The following SYNE3 variants were observed in gnomAD, a reference collection of about 807,000 sequenced individuals.
SYNE3 encodes nesprin-3.
In SYNE3, 100 loss-of-function variants were observed where a neutral mutation model predicts 111.2. The observed-to-expected ratio is 0.90, with a 90% CI of 0.77 to 1.06. SYNE3 has a LOEUF of 1.06. SYNE3 is among the 50% of genes least tolerant of loss of function. The pLI is 0.00. For synonymous variants in SYNE3, 547 were observed against 533.9 expected (o/e 1.02, Z -0.34); for missense variants, 1,160 against 1,240.3 (o/e 0.94, Z 0.97).
At chr14:95,504,634 G>C (rs139754846) in intron 1 of SYNE3, among the ~76,000 whole-genome samples, 1 of 152,226 alleles carries the variant, frequency 6.6e-6, no homozygotes, top group African/African-American at 2.4e-5. Context: ...ATCATTGCTG[G>C]ACTGGGTCCC....
intron 1 of SYNE3, among the ~76,000 whole-genome samples, chr14:95,488,873 C>T (rs1294520677): frequency 1.3e-5 from 2 of 152,218 alleles, no homozygotes; most frequent in Non-Finnish European, 1.5e-5. Context: ...CATCTTAGCC[C>T]TTCTGGTAGC....
chr14:95,450,136 G>A (rs1387653899), intron 7 of SYNE3, 31 bp from the exon 8 acceptor site: 2 of 1,555,244 alleles, frequency 1.3e-6, no homozygotes, highest in South Asian at 1.2e-5. Flanking sequence ...GAAAATGAGG[G>A]AGGAGAGAGA....
chr14:95,413,154 C>G lies in SYNE3; in HGVS notation c.*4672G>C, dbSNP rs1055453418. 1 of 149,278 alleles carries G rather than the reference C, an allele frequency of 6.7e-6. No individual in the cohort carries two copies. The highest frequency in any genetic ancestry group is 1.5e-5 in the Non-Finnish European group (1 of 67,528). The allele number at this position is 149,278 out of a possible 1,614,324, so 9.2% of individuals were successfully genotyped here. A position where few individuals can be genotyped will look rare whatever the true frequency, so the allele number is the denominator to read the frequency against. Reference sequence around the variant, plus strand: ...ATTCCCATTCTCTTTTTCTCTCTCTCTATCCCTCCCTCCCTCCCTCCCTTC... The same window carrying G: ...ATTCCCATTCTCTTTTTCTCTCTCTGTATCCCTCCCTCCCTCCCTCCCTTC... On this transcript the variant is annotated 3_prime_UTR_variant, in exon 18 of 18. Transcript: ENST00000682763.
intron 6 of SYNE3, among the ~76,000 whole-genome samples, chr14:95,454,867 G>A (rs947708521): frequency 2.0e-5 from 3 of 152,162 alleles, no homozygotes; most frequent in African/African-American, 4.8e-5. Context: ...TACCTCGGGG[G>A]AGGGCTGGGG....
At chr14:95,445,441 A>G (rs1886656355) in intron 9 of SYNE3, among the ~76,000 whole-genome samples, 2 of 152,256 alleles carry the variant, frequency 1.3e-5, no homozygotes, top group African/African-American at 4.8e-5. Context: ...TGTCATCATC[A>G]TTAGATGCTC....
chr14:95,438,722 C>T (rs946798444), intron 14 of SYNE3: 3 of 267,162 alleles, frequency 1.1e-5, no homozygotes, highest in Non-Finnish European at 2.2e-5. Context: ...AGCTTTCAGC[C>T]CCGACACTCT....
chr14:95,456,030 T>G lies in SYNE3; in HGVS notation c.790-306A>C, dbSNP rs1410127032. ...ATTTGTTTATCTTCCTTTCCATGCC[T>G]TCAGCTGGAAACAGTGTGGAGCCAA... On this transcript the variant is annotated intron_variant, in intron 5 of 17. Coordinates refer to ENST00000682763, the MANE Select transcript of SYNE3 (RefSeq NM_152592.6). The G allele has an allele frequency of 1.4e-5, 6 of 430,242 alleles. No homozygotes were observed. In the East Asian group the frequency reaches 2.0e-4, roughly 14 times the overall value. 26.7% of individuals were successfully genotyped at this position (430,242 alleles called of 1,614,324 possible).
At chr14:95,453,297 T>G (rs1227916500) in intron 6 of SYNE3, among the ~76,000 whole-genome samples, 1 of 152,198 alleles carries the variant, frequency 6.6e-6, no homozygotes, top group African/African-American at 2.4e-5. Flanking sequence ...GCCTTGTGCT[T>G]CTGTCCTTCT....
Position 95,412,918 on chromosome 14 carries a change from T to A in SYNE3, c.*4908A>T. Reference sequence around the variant, plus strand: ...AAGAAGACAGAGCCACCTTTACCTATCCCTCATTTCCTAAAGGCCATTGAG... The same window carrying A: ...AAGAAGACAGAGCCACCTTTACCTAACCCTCATTTCCTAAAGGCCATTGAG... On this transcript the variant is annotated 3_prime_UTR_variant, in exon 18 of 18. Coordinates refer to ENST00000682763, the MANE Select transcript of SYNE3 (RefSeq NM_152592.6). The A allele has an allele frequency of 6.6e-6, 1 of 152,122 alleles. No homozygotes were observed. 9.4% of individuals were successfully genotyped at this position (152,122 alleles called of 1,614,324 possible).
chr14:95,468,032 G>A, intron 2 of SYNE3, 65 bp from the exon 3 acceptor site: 23 of 1,534,502 alleles, frequency 1.5e-5, no homozygotes, highest in Non-Finnish European at 2.0e-5. Flanking sequence ...ACCTTGGGAA[G>A]ATAGTGGCAT....
At chr14:95,438,901 G>C (rs747944850) in intron 14 of SYNE3, 132 bp downstream of exon 14, 17 of 1,273,432 alleles carry the variant, frequency 1.3e-5, no homozygotes, top group Non-Finnish European at 1.9e-5. Context: ...GCTCAAATGA[G>C]ACAGGACGTG....
At chr14:95,467,248 G>A (rs957282858) in intron 3 of SYNE3, among the ~76,000 whole-genome samples, 6 of 152,000 alleles carry the variant, frequency 3.9e-5, no homozygotes, top group African/African-American at 9.7e-5. Flanking sequence ...AGTGTGCCTC[G>A]CTCTTGATAT....
At position 95,439,799 on chromosome 14, in the gene SYNE3, GAC is replaced by G. The variant is rs1886305863; in HGVS notation, c.2074-17_2074-16del. ...GCCACCAGCCTCTAAAGGACACACG[GAC>G]ACACAGACACACACACGGTGAGGGT... On this transcript the variant is annotated splice_polypyrimidine_tract_variant and intron_variant, in intron 12 of 17. Transcript: ENST00000682763. 1.2e-6 allele frequency: 2 copies of G among 1,604,058 alleles called. No individual in the cohort carries two copies. Among genetic ancestry groups the G allele is most frequent in the African/African-American group, 2.7e-5 (2 of 74,900 alleles).
At chr14:95,450,211 C>T (rs1220328849) in intron 7 of SYNE3, 106 bp from the exon 8 acceptor site, 14 of 1,332,986 alleles carry the variant, frequency 1.1e-5, no homozygotes, top group Non-Finnish European at 1.3e-5. Context: ...GCACTGCTCC[C>T]AGGGTGGGCC....
chr14:95,477,629 G>A (rs560094667), intron 1 of SYNE3, among the ~76,000 whole-genome samples: 4 of 152,322 alleles, frequency 2.6e-5, no homozygotes, highest in East Asian at 1.9e-4. Context: ...CATCAGACGC[G>A]TGCTGGGCCA....
chr14:95,430,773 G>A (rs2139368914), intron 17 of SYNE3, among the ~76,000 whole-genome samples: 1 of 150,898 alleles, frequency 6.6e-6, no homozygotes, highest in Non-Finnish European at 1.5e-5. Flanking sequence ...GCAGTGAGCT[G>A]AGATTGTGCC....
chr14:95,425,344 C>T (rs953628073), intron 17 of SYNE3, among the ~76,000 whole-genome samples: 2 of 152,152 alleles, frequency 1.3e-5, no homozygotes, highest in African/African-American at 4.8e-5. Context: ...AGAAGTCAGT[C>T]TGAAAGGCTG....
chr14:95,429,771 C>G (rs1250401211), intron 17 of SYNE3, among the ~76,000 whole-genome samples: 2 of 152,206 alleles, frequency 1.3e-5, no homozygotes, highest in African/African-American at 4.8e-5. Flanking sequence ...AGACAAGATA[C>G]ACCTCAGGGC....
chr14:95,489,550 A>G (rs1161444667), intron 1 of SYNE3, among the ~76,000 whole-genome samples: 1 of 152,222 alleles, frequency 6.6e-6, no homozygotes, highest in Non-Finnish European at 1.5e-5. Context: ...AATGAAAGAT[A>G]CATCTGGAAA....
Sources: allele counts gnomAD v4.1 joint callset (sites outside exome capture counted in the v4.1 genomes callset), GRCh38; gene constraint gnomAD v4.1.1; transcripts MANE v1.5; gene names NCBI Gene and HGNC (gene_info 2026-07-23, HGNC 2026-07-21).